Variants in CLIP2 observed in about 807,000 individuals in gnomAD.
CLIP2 encodes CAP-Gly domain containing linker protein 2, also known as CAP-Gly domain-containing linker protein 2.
A neutral mutation model predicts 111.7 loss-of-function variants in CLIP2; 41 were observed. The observed-to-expected ratio is 0.37, with a 90% CI of 0.29 to 0.48. The LOEUF is 0.48. Ranked by LOEUF, CLIP2 falls within the 20% of genes least tolerant of loss-of-function variation. The pLI, the probability that CLIP2 is intolerant of heterozygous loss-of-function variation, is 0.99. For synonymous variants in CLIP2, 660 were observed against 644.2 expected (o/e 1.02, Z -0.37); for missense variants, 1,160 against 1,422.1 (o/e 0.82, Z 2.96).
chr7:74,345,739 C>A lies in CLIP2; in HGVS notation c.678+6735C>A, dbSNP rs146632516. Among the ~76,000 whole-genome samples the A allele has an allele frequency of 4.5e-3, 689 of 151,744 alleles. 3 individuals carry two copies. The highest frequency in any genetic ancestry group is 0.013 in the African/African-American group (545 of 41,464). On this transcript the variant is annotated intron_variant, in intron 3 of 16. Transcript: ENST00000223398. ...GCAGGTGCCTATAATTCCAGCTACT[C>A]AGGAGGCTGAGGCAGGAGAATCGCT...
chr7:74,356,599 G>A lies in CLIP2; in HGVS notation c.993G>A (p.Gly331=). 1 of 1,614,002 alleles carries A rather than the reference G, an allele frequency of 6.2e-7. No individual in the cohort carries two copies. Among genetic ancestry groups the A allele is most frequent in the Non-Finnish European group, 8.5e-7 (1 of 1,179,956 alleles). Residue 331 remains glycine, a synonymous_variant, in exon 5 of 17, where the codon GGG becomes GGA. Coordinates refer to ENST00000223398, the MANE Select transcript of CLIP2 (RefSeq NM_003388.5). ...TCAGCTCTGTGGCCTCCTCCGTGGG[G>A]GGTCGGCCCAGCCGCAGTGGCCTGG... ...SSVSSVASSV[G]GRPSRSGLLT... is the part of the protein sequence containing the mutation.
intron 2 of CLIP2, among the ~76,000 whole-genome samples, chr7:74,332,217 G>A (rs532076011): frequency 6.6e-6 from 1 of 152,060 alleles, no homozygotes; most frequent in East Asian, 1.9e-4. Context: ...GGGATTACAG[G>A]TGCCCGCCAC....
rs199826254 is a variant in CLIP2, at chr7:74,375,951, G to C, written c.1550G>C (p.Gly517Ala). The C allele has an allele frequency of 6.2e-7, 1 of 1,605,656 alleles. No homozygotes were observed. The highest frequency in any genetic ancestry group is 8.5e-7 in the Non-Finnish European group (1 of 1,177,004). The change falls in exon 10 of 17, where the codon GGT becomes GCT. Residue 517 changes from glycine (G) to alanine (A), a missense_variant. Around this residue, in one of 5 missense-constraint regions of CLIP2, gnomAD observed 676 missense variants for 777.8 expected, o/e 0.87. Transcript: ENST00000223398. ...GAGGAGGAGCTCACCCTGCGCCGAG[G>C]TGAAATCGAGGAGCTCCAGCAGTGC... is the stretch of plus-strand genomic sequence containing the variant. Reference protein sequence around the residue: ...QLEEELTLRRGEIEELQQCLL... With the variant: ...QLEEELTLRRAEIEELQQCLL...
At chr7:74,341,212 C>T (rs1303000936) in intron 3 of CLIP2, among the ~76,000 whole-genome samples, 3 of 151,926 alleles carry the variant, frequency 2.0e-5, no homozygotes, top group Non-Finnish European at 4.4e-5. Context: ...TTTTGTTTTT[C>T]TAGTCTCACT....
chr7:74,331,073 G>A (rs1348024866), intron 2 of CLIP2, among the ~76,000 whole-genome samples: 3 of 151,618 alleles, frequency 2.0e-5, no homozygotes, highest in East Asian at 1.9e-4. Context: ...AAGCATGGTG[G>A]TACACGCCTG....
intron 2 of CLIP2, among the ~76,000 whole-genome samples, chr7:74,320,911 G>A (rs955388347): frequency 5.3e-5 from 8 of 151,844 alleles, no homozygotes; most frequent in African/African-American, 9.7e-5. Context: ...GCTAGAGAAG[G>A]GCACCCGCCC....
At chr7:74,351,606 A>G (rs1359759320) in intron 3 of CLIP2, among the ~76,000 whole-genome samples, 1 of 151,842 alleles carries the variant, frequency 6.6e-6, no homozygotes, top group Non-Finnish European at 1.5e-5. Flanking sequence ...GAGGCTAAGG[A>G]GGGCAGATCA....
chr7:74,364,417 G>A (rs930702168), intron 8 of CLIP2, 102 bp downstream of exon 8: 15 of 1,014,808 alleles, frequency 1.5e-5, no homozygotes, highest in African/African-American at 8.0e-5. Flanking sequence ...AGGCCCCCCC[G>A]GGGAAGGGGC....
chr7:74,389,689 A>G (rs541952523), intron 13 of CLIP2, among the ~76,000 whole-genome samples: 2 of 151,762 alleles, frequency 1.3e-5, no homozygotes, highest in Admixed American at 1.3e-4. Context: ...ACCTGAGGTC[A>G]GGGGTTCAAG....
intron 13 of CLIP2, among the ~76,000 whole-genome samples, chr7:74,390,222 A>AAAGAAAGAAAGG (rs1562727004): frequency 3.6e-5 from 2 of 55,968 alleles, no homozygotes; most frequent in South Asian, 5.8e-4. Context: ...AGAAAGAAAG[A>AAAGAAAGAAAGG]AAGGATTAAT....
intron 2 of CLIP2, among the ~76,000 whole-genome samples, chr7:74,331,730 C>T (rs1458182506): frequency 6.6e-6 from 1 of 151,110 alleles, no homozygotes; most frequent in Non-Finnish European, 1.5e-5. Flanking sequence ...CCTGCCACCA[C>T]ACCCAGCTAA....
intron 2 of CLIP2, among the ~76,000 whole-genome samples, chr7:74,324,859 G>A (rs1418228910): frequency 6.6e-6 from 1 of 150,616 alleles, no homozygotes; most frequent in African/African-American, 2.4e-5. Context: ...AGAGTGACAG[G>A]TGGAAGAGCC....
At chr7:74,303,911 CAAAAA>C (rs34205594) in intron 1 of CLIP2, among the ~76,000 whole-genome samples, 1 of 124,760 alleles carries the variant, frequency 8.0e-6, no homozygotes, top group Non-Finnish European at 1.7e-5. Context: ...GACTCGGTCT[CAAAAA>C]AAAAAAAAAA....
intron 1 of CLIP2, among the ~76,000 whole-genome samples, chr7:74,291,510 C>T (rs1454625300): frequency 1.3e-5 from 2 of 152,214 alleles, no homozygotes; most frequent in Admixed American, 6.5e-5. Flanking sequence ...TCTCTCTCTG[C>T]CTCGACATCC....
intron 2 of CLIP2, among the ~76,000 whole-genome samples, chr7:74,325,363 G>A (rs1789080403): frequency 6.6e-6 from 1 of 152,264 alleles, no homozygotes; most frequent in East Asian, 1.9e-4. Context: ...GAGCAGCGTG[G>A]CGAGGGACAG....
intron 11 of CLIP2, among the ~76,000 whole-genome samples, chr7:74,382,473 T>TTA (rs1444251249): frequency 7.1e-6 from 1 of 140,968 alleles, no homozygotes; most frequent in Non-Finnish European, 1.6e-5. Flanking sequence ...CCCTGCTAAT[T>TTA]TTTTTTTTTT....
chr7:74,353,954 G>A lies in CLIP2; in HGVS notation c.753G>A (p.Val251=). The A allele has an allele frequency of 1.2e-6, 2 of 1,614,188 alleles. No individual in the cohort carries two copies. Among genetic ancestry groups the A allele is most frequent in the Non-Finnish European group, 1.7e-6 (2 of 1,180,008 alleles). The change falls in exon 4 of 17, where the codon GTG becomes GTA. Residue 251 remains valine (V), a synonymous_variant. Coordinates refer to ENST00000223398, the MANE Select transcript of CLIP2 (RefSeq NM_003388.5). The part of the protein sequence containing the change: ...TDFAKGEWCG[V]ELDEPLGKND... ...TTGCCAAGGGCGAGTGGTGTGGCGT[G>A]GAGCTGGACGAGCCCCTTGGGAAGA...
In CLIP2 at chr7:74,338,327, C is replaced by G; in HGVS notation, c.122-121C>G. 9.1e-7 allele frequency: 1 copy of G among 1,098,654 alleles called. No homozygotes were observed. The allele number at this position is 1,098,654 out of a possible 1,614,324, so 68.1% of individuals were successfully genotyped here. A position where few individuals can be genotyped will look rare whatever the true frequency, so the allele number is the denominator to read the frequency against. ...GACCAGCCTGGCCGAGATGGTGAAA[C>G]CCCATCTCTACCCAAAAATACAAAT... On this transcript the variant is annotated intron_variant, in intron 2 of 16. Coordinates refer to ENST00000223398, the MANE Select transcript of CLIP2 (RefSeq NM_003388.5). This position sits in a 1 kb window ranked among gnomAD's most constrained non-coding sequence, Gnocchi z 4.3.
chr7:74,317,478 A>T lies in CLIP2; in HGVS notation c.-67-2A>T. 9.0e-6 allele frequency: 12 copies of T among 1,333,020 alleles called. No individual in the cohort carries two copies. The highest frequency in any genetic ancestry group is 1.2e-5 in the Non-Finnish European group (12 of 1,034,982). 82.6% of individuals were successfully genotyped at this position (1,333,020 alleles called of 1,614,324 possible). On this transcript the variant is annotated splice_acceptor_variant, in intron 1 of 16. Transcript: ENST00000223398. LOFTEE classifies it low-confidence loss of function (5UTR_SPLICE). ...TGTGATCTCTCCTGTCTCTGCCCGC[A>T]GGTGAGTGAAGATGGCAGAGAGGAC...
Sources: gnomAD v4.1 joint callset for allele counts (sites outside exome capture counted in the v4.1 genomes callset) on GRCh38, gnomAD v4.1.1 for gene constraint, gnomAD v4.1.1 regional missense constraint, Gnocchi (gnomAD v3.1) non-coding constraint, MANE v1.5 for transcripts, NCBI Gene and HGNC (gene_info 2026-07-23, HGNC 2026-07-21) for gene names.